The following EIF3E variants were observed in gnomAD, a reference collection of about 807,000 sequenced individuals.
The protein encoded by EIF3E is eukaryotic translation initiation factor 3 subunit E.
Under a neutral mutation model 59.3 loss-of-function variants are expected in EIF3E, and 25 were observed. That is an observed-to-expected ratio of 0.42 (90% CI 0.31 to 0.59). The LOEUF (loss-of-function observed/expected upper bound fraction) is 0.59. Among genes scored for constraint, EIF3E ranks in the 20% least tolerant of loss-of-function variants. The pLI is 0.15. For missense variants in EIF3E, 317 were observed against 534.3 expected (o/e 0.59, Z 4.01); for synonymous variants, 176 against 170.2 (o/e 1.03, Z -0.26).
intron 1 of EIF3E, among the ~76,000 whole-genome samples, chr8:108,244,990 C>A (rs183103135): frequency 2.0e-5 from 3 of 152,106 alleles, no homozygotes; most frequent in African/African-American, 7.2e-5. Flanking sequence ...AGAATGACCC[C>A]ATTATTAGCT....
At chr8:108,222,054 C>T (rs1416434701) in intron 7 of EIF3E, among the ~76,000 whole-genome samples, 2 of 151,928 alleles carry the variant, frequency 1.3e-5, no homozygotes, top group Non-Finnish European at 2.9e-5. Context: ...GGCGTTTTTA[C>T]TTTTTAGAGA....
chr8:108,208,849 T>C (rs1034934356), intron 10 of EIF3E, among the ~76,000 whole-genome samples: 2 of 152,094 alleles, frequency 1.3e-5, no homozygotes, highest in African/African-American at 2.4e-5. Flanking sequence ...AGCTTTTAAA[T>C]TTCAGACACA....
At chr8:108,202,927 G>C in intron 12 of EIF3E, 56 bp downstream of exon 12, 1 of 1,526,878 alleles carries the variant, frequency 6.5e-7, no homozygotes, top group Non-Finnish European at 8.8e-7. Context: ...GAAACTTCAT[G>C]TAACAATTAC....
At chr8:108,222,105 C>T (rs1586199319) in intron 7 of EIF3E, among the ~76,000 whole-genome samples, 1 of 152,144 alleles carries the variant, frequency 6.6e-6, no homozygotes, top group East Asian at 1.9e-4. Flanking sequence ...TGCAGTGTTA[C>T]AGTCATAGTT....
chr8:108,221,627 T>A (rs570945199), intron 7 of EIF3E: 2 of 152,160 alleles, frequency 1.3e-5, no homozygotes, highest in African/African-American at 4.8e-5. Flanking sequence ...AACATATAAA[T>A]AAAATGTTGC....
chr8:108,205,270 G>A (rs763157831), intron 10 of EIF3E, among the ~76,000 whole-genome samples: 7 of 152,182 alleles, frequency 4.6e-5, no homozygotes, highest in Admixed American at 1.3e-4. Context: ...TGCACGCACC[G>A]TATCTTCCTC....
Position 108,242,166 on chromosome 8 carries a change from T to A in EIF3E, c.91-253A>T, listed in dbSNP as rs1283237363. ...GTAGACATTCCCACCTACTTCTGAT[T>A]TACATGACCTTATTTTTTATGTGTC... On this transcript the variant is annotated intron_variant, in intron 1 of 12. Transcript: ENST00000220849. 2.2e-6 allele frequency: 3 copies of A among 1,359,928 alleles called. No individual in the cohort carries two copies. In the African/African-American group the frequency reaches 4.4e-5, roughly 20 times the overall value. 84.2% of individuals were successfully genotyped at this position (1,359,928 alleles called of 1,614,324 possible).
Position 108,201,272 on chromosome 8 carries a change from T to TATATATATATATATATATATATAG in EIF3E, c.*612_*613insCTATATATATATATATATATATAT, listed in dbSNP as rs1814991973. The TATATATATATATATATATATATAG allele has an allele frequency of 7.2e-6, 1 of 139,680 alleles. No homozygotes were observed. Among genetic ancestry groups the TATATATATATATATATATATATAG allele is most frequent in the African/African-American group, 3.1e-5 (1 of 32,074 alleles). 8.7% of individuals were successfully genotyped at this position (139,680 alleles called of 1,614,324 possible). On this transcript the variant is annotated 3_prime_UTR_variant, in exon 13 of 13. Coordinates refer to ENST00000220849, the MANE Select transcript of EIF3E (RefSeq NM_001568.3). The stretch of plus-strand genomic sequence containing the variant: ...GATCATATATATATATATATCTATC[T>TATATATATATATATATATATATAG]CTCAACTTGGATGGCTCTCAAGAGC...
At chr8:108,214,539 T>G in intron 10 of EIF3E, 68 bp downstream of exon 10, 1 of 1,228,326 alleles carries the variant, frequency 8.1e-7, no homozygotes. Flanking sequence ...TAAGTGTAAA[T>G]TCACAATAAA....
intron 1 of EIF3E, among the ~76,000 whole-genome samples, chr8:108,247,309 G>A (rs1225794966): frequency 6.6e-6 from 1 of 152,022 alleles, no homozygotes; most frequent in Non-Finnish European, 1.5e-5. Flanking sequence ...ACAAGCAGCT[G>A]GTAAAGGCTT....
chr8:108,225,213 T>A (rs913123616), intron 7 of EIF3E, among the ~76,000 whole-genome samples: 5 of 151,572 alleles, frequency 3.3e-5, no homozygotes, highest in Admixed American at 1.3e-4. Context: ...TTCTAGAAAA[T>A]GAAGTGAGCC....
At chr8:108,217,487 A>G in intron 7 of EIF3E, 27 bp from the exon 8 acceptor site, 1 of 1,559,588 alleles carries the variant, frequency 6.4e-7, no homozygotes, top group Non-Finnish European at 8.7e-7. Flanking sequence ...AAGTTATTTA[A>G]TAACTTACCC....
At chr8:108,244,906 A>G (rs1160291723) in intron 1 of EIF3E, among the ~76,000 whole-genome samples, 1 of 151,872 alleles carries the variant, frequency 6.6e-6, no homozygotes, top group Non-Finnish European at 1.5e-5. Flanking sequence ...GCTTCTCTAA[A>G]TGGCATTTAC....
chr8:108,204,746 TAG>T (rs1180256994), intron 10 of EIF3E, among the ~76,000 whole-genome samples: 2,594 of 113,540 alleles, frequency 0.023, 53 homozygotes, highest in African/African-American at 0.057. Context: ...TATATATATA[TAG>T]AGAGAGAGAG....
intron 4 of EIF3E, 76 bp from the exon 5 acceptor site, chr8:108,235,178 A>G: frequency 1.2e-6 from 1 of 839,640 alleles, no homozygotes; most frequent in Non-Finnish European, 1.8e-6. Flanking sequence ...TAAGTCTTTG[A>G]GGTCAAAACT....
intron 10 of EIF3E, among the ~76,000 whole-genome samples, chr8:108,209,306 G>GC (rs1815163243): frequency 6.6e-6 from 1 of 151,886 alleles, no homozygotes; most frequent in South Asian, 2.1e-4. Context: ...AGTATTCAGT[G>GC]GAAAAAAGTC....
Position 108,201,794 on chromosome 8 carries a change from G to C in EIF3E, c.*91C>G. 9.3e-7 allele frequency: 1 copy of C among 1,077,742 alleles called. No homozygotes were observed. The highest frequency in any genetic ancestry group is 1.2e-6 in the Non-Finnish European group (1 of 806,844). The allele number at this position is 1,077,742 out of a possible 1,614,324, so 66.8% of individuals were successfully genotyped here. ...CTTCAAAATTTATACGTAATATGTT[G>C]TTTCCAAAATGTAAGTCACCCTTTA... is the stretch of plus-strand genomic sequence containing the variant. On this transcript the variant is annotated 3_prime_UTR_variant, in exon 13 of 13. Transcript: ENST00000220849.
intron 10 of EIF3E, among the ~76,000 whole-genome samples, chr8:108,210,440 G>A (rs1815184581): frequency 1.3e-5 from 2 of 152,080 alleles, no homozygotes; most frequent in Admixed American, 6.6e-5. Context: ...AAAACCTCTG[G>A]CTTAAAGAAC....
In EIF3E at chr8:108,248,347, CG is replaced by C. The variant is rs201094457; in HGVS notation, c.90+265del. ...CGCCAACTTCCGAGAAGAAATGATG[CG>C]AAAATCCCTCCCGCACTGACACCTC... On this transcript the variant is annotated intron_variant, in intron 1 of 12. Coordinates refer to ENST00000220849, the MANE Select transcript of EIF3E (RefSeq NM_001568.3). Among the ~76,000 whole-genome samples, 168 of 152,248 alleles carry C rather than the reference CG, an allele frequency of 1.1e-3. 3 individuals carry two copies. In the East Asian group the frequency reaches 0.027, roughly 24 times the overall value.
Sources: gnomAD v4.1 joint callset for allele counts (sites outside exome capture counted in the v4.1 genomes callset) on GRCh38, gnomAD v4.1.1 for gene constraint, MANE v1.5 for transcripts, NCBI Gene and HGNC (gene_info 2026-07-23, HGNC 2026-07-21) for gene names.